The following PCDHGB2 variants were observed in gnomAD, a reference collection of about 807,000 sequenced individuals.
PCDHGB2 encodes the protein protocadherin gamma subfamily B, 2.
PCDHGB2 carries 55 observed loss-of-function variants against 59.3 expected under a neutral mutation model. The ratio of observed to expected loss-of-function variants is 0.93; its 90% confidence interval spans 0.75 to 1.16. PCDHGB2 has a LOEUF of 1.16. Ranked by LOEUF, PCDHGB2 falls within the 50% of genes most tolerant of loss-of-function variation. The pLI is 0.00. For synonymous variants in PCDHGB2, 516 were observed against 512.0 expected (o/e 1.01, Z -0.11); for missense variants, 1,228 against 1,198.5 (o/e 1.02, Z -0.36).
At chr5:141,441,791 C>T in intron 1 of PCDHGB2, 1 of 390,714 alleles carries the variant, frequency 2.6e-6, no homozygotes, top group Non-Finnish European at 5.1e-6. Flanking sequence ...TGAATGACAA[C>T]GCACCGCGGG....
Position 141,420,043 on chromosome 5 carries a change from G to T in PCDHGB2, c.2421+57487G>T, listed in dbSNP as rs747553514. On this transcript the variant is annotated intron_variant, in intron 1 of 3. Coordinates refer to ENST00000522605, the MANE Select transcript of PCDHGB2 (RefSeq NM_018923.3). ...GCCCTACTGCAGGAGACTGCTTTGAGTCAGTTCTCTGCTCCAAGTCCGGAC... is the reference window on the plus strand; with the variant it reads ...GCCCTACTGCAGGAGACTGCTTTGATTCAGTTCTCTGCTCCAAGTCCGGAC... The T allele has an allele frequency of 1.9e-6, 3 of 1,614,078 alleles. No individual in the cohort carries two copies. In the Admixed American group the frequency reaches 5.0e-5, roughly 27 times the overall value.
At chr5:141,414,406 C>T (rs1315007586) in intron 1 of PCDHGB2, 6 of 1,613,764 alleles carry the variant, frequency 3.7e-6, no homozygotes, top group African/African-American at 2.7e-5. Flanking sequence ...ATTGGTGATA[C>T]ACAGAGCCCT....
intron 1 of PCDHGB2, among the ~76,000 whole-genome samples, chr5:141,480,895 A>G (rs1275670492): frequency 6.6e-6 from 1 of 152,048 alleles, no homozygotes; most frequent in African/African-American, 2.4e-5. Flanking sequence ...AAATGCAAAC[A>G]TTAGCTGGGC....
Position 141,477,187 on chromosome 5 carries a change from G to A in PCDHGB2, c.2422-17620G>A, listed in dbSNP as rs2154575648. ...CCCCGGAGATCACAGTCACCTCCGT[G>A]TACAGCCCAGTACCCGAGGATGCCC... On this transcript the variant is annotated intron_variant, in intron 1 of 3. Coordinates refer to ENST00000522605, the MANE Select transcript of PCDHGB2 (RefSeq NM_018923.3). The surrounding 1 kb of genome is among the most constrained non-coding windows in gnomAD (Gnocchi z 4.9). The A allele has an allele frequency of 6.2e-7, 1 of 1,614,190 alleles. No individual in the cohort carries two copies. The highest frequency in any genetic ancestry group is 2.2e-5 in the East Asian group (1 of 44,874).
Position 141,489,161 on chromosome 5 carries a change from A to T in PCDHGB2, c.2422-5646A>T. ...GCTGGAAGGAGACATAAGAGACTTC[A>T]GCTGCTGCATTCCAAGCCCTGGGTC... On this transcript the variant is annotated intron_variant, in intron 1 of 3. Coordinates refer to ENST00000522605, the MANE Select transcript of PCDHGB2 (RefSeq NM_018923.3). The surrounding 1 kb of genome is among the most constrained non-coding windows in gnomAD (Gnocchi z 4.5). 1.9e-6 allele frequency: 2 copies of T among 1,040,278 alleles called. No individual in the cohort carries two copies. The highest frequency in any genetic ancestry group is 2.8e-6 in the Non-Finnish European group (2 of 709,676). 64.4% of individuals were successfully genotyped at this position (1,040,278 alleles called of 1,614,324 possible).
At chr5:141,384,811 C>A (rs1273757599) in intron 1 of PCDHGB2, 1 of 1,613,338 alleles carries the variant, frequency 6.2e-7, no homozygotes, top group Admixed American at 1.7e-5. Context: ...CAGAGATGCC[C>A]TCAAGCAGAG....
chr5:141,410,778 G>T, intron 1 of PCDHGB2: 3 of 818,726 alleles, frequency 3.7e-6, no homozygotes, highest in Non-Finnish European at 3.4e-6. Flanking sequence ...TTTTCACTAT[G>T]TATTTGGTTC....
At position 141,418,594 on chromosome 5, in the gene PCDHGB2, C is replaced by G. The variant is rs775489120; in HGVS notation, c.2421+56038C>G. 2.9e-5 allele frequency: 47 copies of G among 1,613,904 alleles called. No individual in the cohort carries two copies. In the South Asian group the frequency reaches 4.6e-4, roughly 16 times the overall value. On this transcript the variant is annotated intron_variant, in intron 1 of 3. Transcript: ENST00000522605. ...ACAACCCCCCAGTGTTCAGCCAGGA[C>G]GTGTACAGGGTTAGCCTTCGGGAAG...
intron 1 of PCDHGB2, chr5:141,367,550 A>G (rs1175720075): frequency 2.0e-5 from 3 of 147,536 alleles, no homozygotes; most frequent in Non-Finnish European, 4.6e-5. Flanking sequence ...ATAAATAAAT[A>G]AATAAATAAA....
At chr5:141,362,939 AG>A (rs1156531907) in intron 1 of PCDHGB2, among the ~76,000 whole-genome samples, 1 of 152,198 alleles carries the variant, frequency 6.6e-6, no homozygotes, top group Non-Finnish European at 1.5e-5. Flanking sequence ...TCTTCATTTT[AG>A]TAGGCTTTGG....
At chr5:141,472,855 A>C (rs1179268125) in intron 1 of PCDHGB2, among the ~76,000 whole-genome samples, 3 of 151,078 alleles carry the variant, frequency 2.0e-5, no homozygotes, top group African/African-American at 7.3e-5. Flanking sequence ...GCATGGTGGC[A>C]CATGCCTGTA....
chr5:141,429,379 T>G (rs573911129), intron 1 of PCDHGB2, among the ~76,000 whole-genome samples: 5 of 151,382 alleles, frequency 3.3e-5, no homozygotes, highest in East Asian at 1.9e-4. Context: ...GAAAATGTGT[T>G]TTTTTTTTAA....
chr5:141,491,980 C>A lies in PCDHGB2; in HGVS notation c.2422-2827C>A. On this transcript the variant is annotated intron_variant, in intron 1 of 3. Coordinates refer to ENST00000522605, the MANE Select transcript of PCDHGB2 (RefSeq NM_018923.3). This position sits in a 1 kb window ranked among gnomAD's most constrained non-coding sequence, Gnocchi z 6.9. ...AAAAAAGGCCGGGGCCTCCTTCGAGCTTCCGGTGAATTTCGGGCGATTTCC... is the reference window on the plus strand; with the variant it reads ...AAAAAAGGCCGGGGCCTCCTTCGAGATTCCGGTGAATTTCGGGCGATTTCC... 1.3e-6 allele frequency: 1 copy of A among 784,426 alleles called. No homozygotes were observed. Among genetic ancestry groups the A allele is most frequent in the Non-Finnish European group, 1.9e-6 (1 of 530,582 alleles). The allele number at this position is 784,426 out of a possible 1,614,324, so 48.6% of individuals were successfully genotyped here.
rs187177915 is a variant in PCDHGB2 at position 141,472,338 on chromosome 5, G to A, written c.2422-22469G>A. ...AGGCAGATCACGAGGTTGGGAGATC[G>A]AGACCATCCTGGCTAACACGGTGAA... On this transcript the variant is annotated intron_variant, in intron 1 of 3. Transcript: ENST00000522605. Among the ~76,000 whole-genome samples, 23 of 151,526 alleles carry A rather than the reference G, an allele frequency of 1.5e-4. No homozygotes were observed. The East Asian group carries it at 3.2e-3, about 21-fold the overall frequency.
At chr5:141,414,270 T>G in intron 1 of PCDHGB2, 1 of 1,613,476 alleles carries the variant, frequency 6.2e-7, no homozygotes, top group Non-Finnish European at 8.5e-7. Context: ...AAGATTCACC[T>G]CTGGGAACAG....
rs1561964279 is a variant in PCDHGB2 at position 141,456,201 on chromosome 5, A to G, written c.2422-38606A>G. 2.0e-5 allele frequency among the ~76,000 whole-genome samples: 3 copies of G among 152,228 alleles called. No homozygotes were observed. The South Asian group carries it at 6.2e-4, about 32-fold the overall frequency. On this transcript the variant is annotated intron_variant, in intron 1 of 3. Coordinates refer to ENST00000522605, the MANE Select transcript of PCDHGB2 (RefSeq NM_018923.3). ...ATAATTTCTTAATAACTCCTACCAC[A>G]TTCCTCCCTGTGGCGATATCAAACT...
At chr5:141,405,407 C>A (rs1252757330) in intron 1 of PCDHGB2, 3 of 1,582,052 alleles carry the variant, frequency 1.9e-6, no homozygotes, top group Non-Finnish European at 2.6e-6. Flanking sequence ...TCTTTCTTTT[C>A]TTTTTTTGTT....
Position 141,419,438 on chromosome 5 carries a change from A to G in PCDHGB2, c.2421+56882A>G, listed in dbSNP as rs764801455. On this transcript the variant is annotated intron_variant, in intron 1 of 3. Coordinates refer to ENST00000522605, the MANE Select transcript of PCDHGB2 (RefSeq NM_018923.3). ...CGCCTTCGACCACGAGCAGCTGCGC[A>G]CCTTCGAGCTCACGCTGCAGGCCCG... 8 of 1,613,138 alleles carry G rather than the reference A, an allele frequency of 5.0e-6. No homozygotes were observed. The highest frequency in any genetic ancestry group is 4.4e-5 in the South Asian group (4 of 91,044).
chr5:141,418,157 A>G, intron 1 of PCDHGB2: 1 of 1,614,074 alleles, frequency 6.2e-7, no homozygotes, highest in Non-Finnish European at 8.5e-7. Context: ...CAAAGAGAGA[A>G]GAAGATGTGA....
Sources: allele counts gnomAD v4.1 joint callset (sites outside exome capture counted in the v4.1 genomes callset), GRCh38; gene constraint gnomAD v4.1.1; non-coding constraint Gnocchi (gnomAD v3.1); transcripts MANE v1.5; gene names NCBI Gene and HGNC (gene_info 2026-07-23, HGNC 2026-07-21).